Variants in ZNF823 observed in about 807,000 individuals in gnomAD.
ZNF823 encodes the protein ZFP 36 for a zinc finger protein.
Under a neutral mutation model 11.4 loss-of-function variants are expected in ZNF823, and 5 were observed. That is an observed-to-expected ratio of 0.44 (90% CI 0.23 to 0.92). The LOEUF (loss-of-function observed/expected upper bound fraction) is 0.92, where lower values mean the gene tolerates loss of function less well. Among genes scored for constraint, ZNF823 ranks in the 40% least tolerant of loss-of-function variants. The pLI is 0.24. For synonymous variants in ZNF823, 234 were observed against 250.5 expected (o/e 0.93, Z 0.62); for missense variants, 582 against 738.5 (o/e 0.79, Z 2.46).
rs928568956 is a variant in ZNF823, at chr19:11,722,132, C to T, written c.1402G>A (p.Glu468Lys). Residue 468 changes from glutamate to lysine, a missense_variant, in exon 4 of 4, where the codon GAG (glutamate) becomes AAG (lysine). Transcript: ENST00000341191. The surrounding 1 kb of genome is among the most constrained non-coding windows in gnomAD (Gnocchi z 5.2). ...FQNHETTHTG[E>K]KPYECKECGK... ...CATTCCTTACACTCATATGGCTTCT[C>T]TCCAGTGTGAGTTGTCTCATGATTT... 8 of 1,614,104 alleles carry T rather than the reference C, an allele frequency of 5.0e-6. No individual in the cohort carries two copies. Among genetic ancestry groups the T allele is most frequent in the Non-Finnish European group, 6.8e-6 (8 of 1,180,010 alleles).
intron 1 of ZNF823, among the ~76,000 whole-genome samples, chr19:11,727,990 C>T (rs961621083): frequency 2.6e-5 from 4 of 151,986 alleles, no homozygotes; most frequent in Non-Finnish European, 5.9e-5. Flanking sequence ...CATTCTCCTG[C>T]CTCAGCCTCC....
chr19:11,724,752 G>T (rs890161980), intron 2 of ZNF823, among the ~76,000 whole-genome samples: 70 of 151,512 alleles, frequency 4.6e-4, no homozygotes, highest in African/African-American at 1.6e-3. Context: ...AGTAGAGACG[G>T]GGTTTCACCA....
intron 1 of ZNF823, among the ~76,000 whole-genome samples, chr19:11,729,416 CATA>C (rs973688834): frequency 6.6e-6 from 1 of 152,096 alleles, no homozygotes; most frequent in African/African-American, 2.4e-5. Context: ...TACAAGAAGA[CATA>C]ATAATCATTA....
intron 1 of ZNF823, among the ~76,000 whole-genome samples, chr19:11,737,096 G>A (rs1425518456): frequency 6.6e-6 from 1 of 152,120 alleles, no homozygotes; most frequent in African/African-American, 2.4e-5. Context: ...GCAGCTATGA[G>A]CATCTTGGAG....
intron 1 of ZNF823, among the ~76,000 whole-genome samples, chr19:11,737,329 T>A (rs1171620522): frequency 1.3e-5 from 2 of 152,174 alleles, no homozygotes; most frequent in Non-Finnish European, 2.9e-5. Flanking sequence ...AATGGCGTGA[T>A]CTTGGCTCAC....
In ZNF823 at chr19:11,721,628, G is replaced by A. The variant is rs746939174; in HGVS notation, c.*73C>T. 7 of 1,404,852 alleles carry A rather than the reference G, an allele frequency of 5.0e-6. No homozygotes were observed. The highest frequency in any genetic ancestry group is 6.8e-6 in the Non-Finnish European group (7 of 1,033,842). The allele number at this position is 1,404,852 out of a possible 1,614,324, so 87.0% of individuals were successfully genotyped here. A position where few individuals can be genotyped will look rare whatever the true frequency, so the allele number is the denominator to read the frequency against. ...CTTTATCCCATGTTTACATTCATAG[G>A]GTCTATCTCCAAAGTGAGTTCTTTC... On this transcript the variant is annotated 3_prime_UTR_variant, in exon 4 of 4. Transcript: ENST00000341191.
rs1196464268 is a variant in ZNF823, at chr19:11,726,310, AT to A, written c.4-984del. Among the ~76,000 whole-genome samples, 179 of 142,866 alleles carry A rather than the reference AT, an allele frequency of 1.3e-3. 4 individuals are homozygous for A. Among genetic ancestry groups the A allele is most frequent in the Non-Finnish European group, 1.4e-3 (93 of 65,396 alleles). The allele number at this position is 142,866 out of a possible 152,430, so 93.7% of individuals were successfully genotyped here. A position where few individuals can be genotyped will look rare whatever the true frequency, so the allele number is the denominator to read the frequency against. On this transcript the variant is annotated intron_variant, in intron 1 of 3. Transcript: ENST00000341191. ...TACATATATATATATATATATATAA[AT>A]TTTTTTTTAACTTAACTCCTATTCC...
chr19:11,725,388 C>G (rs1974772557), intron 1 of ZNF823, 61 bp from the exon 2 acceptor site: 1 of 1,601,146 alleles, frequency 6.2e-7, no homozygotes, highest in Non-Finnish European at 8.5e-7. Flanking sequence ...AGAATCCATA[C>G]TCACTGCATA....
Position 11,721,827 on chromosome 19 carries a change from G to A in ZNF823, c.1707C>T (p.Phe569=). 6.2e-7 allele frequency: 1 copy of A among 1,613,616 alleles called. No individual in the cohort carries two copies. The highest frequency in any genetic ancestry group is 1.1e-5 in the South Asian group (1 of 91,000). Residue 569 remains phenylalanine, a synonymous_variant, in exon 4 of 4, where the codon TTC becomes TTT. Transcript: ENST00000341191. ...TGTGAGTTTTTTCATGTCCTCGAAG[G>A]AAACGGGAACGAGTGAAGGCTTTAC... is the stretch of plus-strand genomic sequence containing the variant. ...QCGKAFTRSR[F]LRGHEKTHTG... is the part of the protein sequence containing the mutation.
intron 1 of ZNF823, among the ~76,000 whole-genome samples, chr19:11,731,784 T>G (rs1479892070): frequency 1.3e-5 from 2 of 152,060 alleles, no homozygotes; most frequent in Non-Finnish European, 2.9e-5. Flanking sequence ...CTGAGGCAGG[T>G]GGATCACCTG....
chr19:11,727,248 C>T lies in ZNF823; in HGVS notation c.4-1921G>A, dbSNP rs368704327. ...CTAACCGGCAGGGTGTGGTGGCTCA[C>T]GACTGTAATCCCAGCACTTCGGGAG... On this transcript the variant is annotated intron_variant, in intron 1 of 3. Transcript: ENST00000341191. 1.4e-3 allele frequency among the ~76,000 whole-genome samples: 216 copies of T among 152,186 alleles called. 1 individual carries two copies. The highest frequency in any genetic ancestry group is 4.8e-3 in the African/African-American group (199 of 41,518).
chr19:11,734,010 G>A (rs915007064), intron 1 of ZNF823, among the ~76,000 whole-genome samples: 3 of 152,032 alleles, frequency 2.0e-5, no homozygotes, highest in Admixed American at 6.6e-5. Flanking sequence ...CGAGGCAGCC[G>A]GATCACTTGA....
At chr19:11,737,578 T>A (rs1975016328) in intron 1 of ZNF823, among the ~76,000 whole-genome samples, 1 of 124,956 alleles carries the variant, frequency 8.0e-6, no homozygotes, top group African/African-American at 3.0e-5. Context: ...TTTTTTTTTT[T>A]TTTTTCACAC....
At chr19:11,734,997 G>A (rs1974966481) in intron 1 of ZNF823, among the ~76,000 whole-genome samples, 1 of 152,122 alleles carries the variant, frequency 6.6e-6, no homozygotes, top group Non-Finnish European at 1.5e-5. Context: ...TTTTCTGGCT[G>A]GGCATGGTGG....
rs755318879 is a variant in ZNF823 at position 11,722,533 on chromosome 19, C to A, written c.1001G>T (p.Cys334Phe). 3 of 1,614,194 alleles carry A rather than the reference C, an allele frequency of 1.9e-6. No individual in the cohort carries two copies. Among genetic ancestry groups the A allele is most frequent in the Non-Finnish European group, 2.5e-6 (3 of 1,180,020 alleles). ...ATCAAAGCCTTTCCCACATATCTTACATTTATGTGGTCCGTCTCCAGTGTG... is the reference window on the plus strand; with the variant it reads ...ATCAAAGCCTTTCCCACATATCTTAAATTTATGTGGTCCGTCTCCAGTGTG... ...IRHTGDGPHK[C>F]KICGKGFDCP... The change falls in exon 4 of 4, where the codon TGT becomes TTT. Residue 334 changes from cysteine to phenylalanine, a missense_variant. Physicochemically the swap from Cys to Phe is radical, Grantham distance 205. Coordinates refer to ENST00000341191, the MANE Select transcript of ZNF823 (RefSeq NM_001080493.4). This position sits in a 1 kb window ranked among gnomAD's most constrained non-coding sequence, Gnocchi z 5.2.
chr19:11,735,497 G>A (rs1466516301), intron 1 of ZNF823, among the ~76,000 whole-genome samples: 2 of 152,154 alleles, frequency 1.3e-5, no homozygotes, highest in Non-Finnish European at 2.9e-5. Flanking sequence ...GTCTCTGCCT[G>A]TGGATCTCCA....
intron 1 of ZNF823, among the ~76,000 whole-genome samples, chr19:11,729,866 T>G (rs1260258380): frequency 1.3e-5 from 2 of 152,166 alleles, no homozygotes; most frequent in Non-Finnish European, 2.9e-5. Flanking sequence ...GCTTTCAAAT[T>G]AACCTGTTTG....
chr19:11,726,189 GC>G, intron 1 of ZNF823: 1 of 150,762 alleles, frequency 6.6e-6, no homozygotes, highest in South Asian at 2.1e-4. Context: ...GCTGCAGTGA[GC>G]CGTGATCATG....
intron 1 of ZNF823, among the ~76,000 whole-genome samples, chr19:11,737,801 A>T (rs10425950): frequency 6.6e-6 from 1 of 152,102 alleles, no homozygotes; most frequent in South Asian, 2.1e-4. Context: ...TCTGAAAACC[A>T]AGAGATTTGC....
Sources: gnomAD v4.1 joint callset for allele counts (sites outside exome capture counted in the v4.1 genomes callset) on GRCh38, gnomAD v4.1.1 for gene constraint, Gnocchi (gnomAD v3.1) non-coding constraint, MANE v1.5 for transcripts, NCBI Gene and HGNC (gene_info 2026-07-23, HGNC 2026-07-21) for gene names.